The following DDC variants were observed in gnomAD, a reference collection of about 807,000 sequenced individuals.
DDC encodes the protein dopa decarboxylase, also known as aromatic-L-amino-acid decarboxylase.
In DDC, 43 loss-of-function variants were observed where a neutral mutation model predicts 60.0. That is an observed-to-expected ratio of 0.72 (90% CI 0.56 to 0.92). DDC has a LOEUF of 0.92. DDC is among the 40% of genes least tolerant of loss of function. The pLI is 0.00. For missense variants in DDC, 573 were observed against 620.2 expected (o/e 0.92, Z 0.81); for synonymous variants, 232 against 234.6 (o/e 0.99, Z 0.10).
chr7:50,470,219 C>T (rs753715835), intron 11 of DDC, 48 bp from the exon 12 acceptor site: 4 of 1,413,674 alleles, frequency 2.8e-6, no homozygotes, highest in Non-Finnish European at 4.0e-6. Context: ...ATATTAAAAG[C>T]TGGCTTCCTT....
intron 6 of DDC, among the ~76,000 whole-genome samples, chr7:50,524,495 A>G (rs1454424799): frequency 6.6e-6 from 1 of 152,198 alleles, no homozygotes; most frequent in East Asian, 1.9e-4. Flanking sequence ...CCATCATCCA[A>G]TTAGAAAATG....
intron 6 of DDC, among the ~76,000 whole-genome samples, chr7:50,506,923 A>G (rs185164362): frequency 9.2e-4 from 140 of 152,324 alleles, no homozygotes; most frequent in Non-Finnish European, 1.5e-3. Flanking sequence ...TTTTGGCAAG[A>G]TAAGTCATTT....
intron 1 of DDC, chr7:50,560,894 T>G (rs1411885550): frequency 2.0e-5 from 3 of 152,140 alleles, no homozygotes; most frequent in African/African-American, 4.8e-5. Context: ...TCCTTCCTCC[T>G]GCAGGAGGAG....
chr7:50,511,366 T>G (rs1198225230), intron 6 of DDC, among the ~76,000 whole-genome samples: 1 of 152,030 alleles, frequency 6.6e-6, no homozygotes, highest in Non-Finnish European at 1.5e-5. Context: ...TAATATTTGA[T>G]GTAAAGAAAG....
At chr7:50,561,500 A>T (rs1384401703) in intron 1 of DDC, among the ~76,000 whole-genome samples, 1 of 152,142 alleles carries the variant, frequency 6.6e-6, no homozygotes, top group East Asian at 1.9e-4. Flanking sequence ...TCCCAAGCCC[A>T]CTTCCCCAGA....
chr7:50,537,752 A>T (rs2044467180), intron 4 of DDC, 108 bp downstream of exon 4: 6 of 1,408,670 alleles, frequency 4.3e-6, no homozygotes, highest in Non-Finnish European at 3.0e-6. Flanking sequence ...CTCCAGGAGA[A>T]ATTTGAGGAA....
At chr7:50,539,361 G>A (rs772697362) in intron 3 of DDC, among the ~76,000 whole-genome samples, 35 of 152,152 alleles carry the variant, frequency 2.3e-4, no homozygotes, top group Non-Finnish European at 4.0e-4. Flanking sequence ...CCTGCCTACC[G>A]TTCTTCTGAG....
intron 13 of DDC, among the ~76,000 whole-genome samples, chr7:50,464,386 G>C (rs2042350040): frequency 6.6e-6 from 1 of 152,092 alleles, no homozygotes; most frequent in Admixed American, 6.5e-5. Context: ...CTCCTGTTGT[G>C]CCCAGGTAGA....
chr7:50,492,935 A>G (rs2043037273), intron 9 of DDC: 4 of 1,597,854 alleles, frequency 2.5e-6, no homozygotes, highest in African/African-American at 1.3e-5. Context: ...CGAAAGGCTC[A>G]ACTCCTTCTC....
intron 6 of DDC, among the ~76,000 whole-genome samples, chr7:50,504,695 G>A (rs1201578931): frequency 5.3e-5 from 8 of 152,046 alleles, no homozygotes; most frequent in Admixed American, 5.2e-4. Flanking sequence ...TAGTTTGGGG[G>A]GGTGTGTGTG....
chr7:50,536,609 C>T (rs1377793937), intron 4 of DDC, among the ~76,000 whole-genome samples: 2 of 152,220 alleles, frequency 1.3e-5, no homozygotes, highest in Non-Finnish European at 2.9e-5. Flanking sequence ...AAGGTGTCAA[C>T]TTTGGTTTTA....
intron 1 of DDC, among the ~76,000 whole-genome samples, chr7:50,562,546 G>A (rs889653589): frequency 7.2e-5 from 11 of 152,244 alleles, no homozygotes; most frequent in African/African-American, 2.7e-4. Context: ...GGCACTTCTT[G>A]AGCTGAAACT....
rs568328809 is a variant in DDC, at chr7:50,545,757, G to A, written c.-28-1644C>T. Among the ~76,000 whole-genome samples, 134 of 152,320 alleles carry A rather than the reference G, an allele frequency of 8.8e-4. 2 individuals carry two copies. Among genetic ancestry groups the A allele is most frequent in the Admixed American group, 2.1e-3 (32 of 15,298 alleles). On this transcript the variant is annotated intron_variant, in intron 1 of 14. Transcript: ENST00000444124. ...CAAAGTGCTGGGATTACAGGCATGA[G>A]CCACCGCTCCCAGCCTCTAGAATAT...
Position 50,499,064 on chromosome 7 carries a change from C to T in DDC, c.876+84G>A, listed in dbSNP as rs2876829. The T allele has an allele frequency of 0.77, 834,551 of 1,078,710 alleles. 324,339 individuals carry two copies. The highest frequency in any genetic ancestry group is 0.87 in the Admixed American group (51,493 of 58,920). 66.8% of individuals were successfully genotyped at this position (1,078,710 alleles called of 1,614,324 possible). On this transcript the variant is annotated intron_variant, in intron 8 of 14. Coordinates refer to ENST00000444124, the MANE Select transcript of DDC (RefSeq NM_001082971.2). ...TGAAACAAACCTCAATAGCAAGAGA[C>T]TGGACGTCAGCTCCTCATGAAGGGA...
At chr7:50,483,866 T>C (rs557932541) in intron 9 of DDC, among the ~76,000 whole-genome samples, 139 of 150,122 alleles carry the variant, frequency 9.3e-4, no homozygotes, top group African/African-American at 3.4e-3. Context: ...ATCGCGCTAC[T>C]GCACTCCAGC....
intron 6 of DDC, among the ~76,000 whole-genome samples, chr7:50,511,602 G>A (rs182332434): frequency 4.7e-4 from 71 of 152,286 alleles, no homozygotes; most frequent in African/African-American, 1.5e-3. Flanking sequence ...GGTGGCACAC[G>A]CCTGTAGTCC....
intron 6 of DDC, among the ~76,000 whole-genome samples, chr7:50,520,376 A>G (rs1363696889): frequency 2.0e-5 from 3 of 152,216 alleles, no homozygotes; most frequent in African/African-American, 7.2e-5. Flanking sequence ...ATAAAAAGAT[A>G]GCTGGAAGAC....
At chr7:50,476,495 G>A (rs1562987650) in intron 11 of DDC, 129 bp downstream of exon 11, 12 of 873,672 alleles carry the variant, frequency 1.4e-5, no homozygotes, top group Non-Finnish European at 1.9e-6. Context: ...TTGTCAGTTA[G>A]GACCCAGTTA....
In DDC at chr7:50,537,932, C is replaced by A. The variant is rs749596545; in HGVS notation, c.363G>T (p.Trp121Cys). Residue 121 changes from tryptophan to cysteine, a missense_variant, in exon 4 of 15, where the codon TGG (tryptophan) becomes TGT (cysteine). Physicochemically the swap from Trp to Cys is radical, Grantham distance 215. Coordinates refer to ENST00000444124, the MANE Select transcript of DDC (RefSeq NM_001082971.2). ...CTELETVMMD[W>C]LGKMLELPKA... is the part of the protein sequence containing the mutation. ...TTGGTAGTTCCAGCATCTTCCCGAG[C>A]CAGTCCATCATCACAGTCTCCAGCT... is the stretch of plus-strand genomic sequence containing the variant. 29 of 1,614,176 alleles carry A rather than the reference C, an allele frequency of 1.8e-5. No individual in the cohort carries two copies. Among genetic ancestry groups the A allele is most frequent in the Non-Finnish European group, 2.5e-5 (29 of 1,180,038 alleles).
Sources: allele counts gnomAD v4.1 joint callset (sites outside exome capture counted in the v4.1 genomes callset), GRCh38; gene constraint gnomAD v4.1.1; transcripts MANE v1.5; gene names NCBI Gene and HGNC (gene_info 2026-07-23, HGNC 2026-07-21).